Variants in TAF5L observed in about 807,000 individuals in gnomAD.
TAF5L encodes the protein TATA-box binding protein associated factor 5 like, also known as TAF5-like RNA polymerase II p300/CBP-associated factor-associated factor 65 kDa subunit 5L.
A neutral mutation model predicts 51.3 loss-of-function variants in TAF5L; 7 were observed. The observed-to-expected ratio is 0.14, with a 90% CI of 0.08 to 0.26. The LOEUF (loss-of-function observed/expected upper bound fraction) is 0.26, where lower values mean the gene tolerates loss of function less well. Ranked by LOEUF, TAF5L falls within the 10% of genes least tolerant of loss-of-function variation. The pLI is 1.00. For synonymous variants in TAF5L, 291 were observed against 308.1 expected (o/e 0.94, Z 0.58); for missense variants, 575 against 758.9 (o/e 0.76, Z 2.85).
chr1:229,622,509 C>G (rs2064891), intron 1 of TAF5L, among the ~76,000 whole-genome samples: 2 of 152,010 alleles, frequency 1.3e-5, no homozygotes, highest in South Asian at 4.1e-4. Flanking sequence ...GAATAAAATG[C>G]CCAACTCTAC....
At chr1:229,613,329 C>CAAAA (rs567436350) in intron 2 of TAF5L, among the ~76,000 whole-genome samples, 10 of 84,530 alleles carry the variant, frequency 1.2e-4, no homozygotes, top group East Asian at 2.9e-4. Context: ...GACTCTGTCT[C>CAAAA]AAAAAAAAAA....
At chr1:229,623,032 T>G (rs923675961) in intron 1 of TAF5L, among the ~76,000 whole-genome samples, 3 of 152,186 alleles carry the variant, frequency 2.0e-5, no homozygotes, top group African/African-American at 7.2e-5. Context: ...ATCTCAGCAC[T>G]TTGGGAGGCT....
At chr1:229,599,892 A>G in intron 4 of TAF5L, 1 of 985,488 alleles carries the variant, frequency 1.0e-6, no homozygotes, top group Non-Finnish European at 1.2e-6. Context: ...AAAAGATGAA[A>G]GCAGAGAGTG....
At chr1:229,614,641 A>G (rs1056216270) in intron 1 of TAF5L, among the ~76,000 whole-genome samples, 156 bp from the exon 2 acceptor site, 2 of 152,202 alleles carry the variant, frequency 1.3e-5, no homozygotes, top group Non-Finnish European at 2.9e-5. Flanking sequence ...GTTCCCTAAT[A>G]CCAACGTGGT....
At chr1:229,623,500 T>C (rs2102769433) in intron 1 of TAF5L, among the ~76,000 whole-genome samples, 1 of 152,308 alleles carries the variant, frequency 6.6e-6, no homozygotes, top group East Asian at 1.9e-4. Context: ...CACTACAACC[T>C]GGTTTGGCTA....
intron 4 of TAF5L, chr1:229,601,006 A>C: frequency 1.0e-6 from 1 of 984,434 alleles, no homozygotes; most frequent in South Asian, 4.7e-5. Flanking sequence ...ACTGTCTCCA[A>C]GGAAAAGAGA....
chr1:229,611,336 G>A (rs191788864), intron 2 of TAF5L, among the ~76,000 whole-genome samples: 47 of 152,180 alleles, frequency 3.1e-4, no homozygotes, highest in Admixed American at 2.2e-3. Context: ...GGGGAACACC[G>A]GGGAAAGAAG....
At chr1:229,607,509 T>A (rs1288839835) in intron 3 of TAF5L, 1 of 981,598 alleles carries the variant, frequency 1.0e-6, no homozygotes, top group East Asian at 1.1e-4. Context: ...CTCTTCCTCC[T>A]CCTCTTCCAG....
At chr1:229,601,348 G>A in intron 4 of TAF5L, 2 of 985,312 alleles carry the variant, frequency 2.0e-6, no homozygotes, top group Non-Finnish European at 2.4e-6. Context: ...AGTAATGTGA[G>A]GCAGAGCTAC....
intron 1 of TAF5L, among the ~76,000 whole-genome samples, chr1:229,623,798 G>A (rs1012467136): frequency 4.6e-5 from 7 of 152,220 alleles, no homozygotes; most frequent in Non-Finnish European, 8.8e-5. Flanking sequence ...GAGGCGCAAA[G>A]AAGTTACACA....
At chr1:229,597,601 C>T (rs998387071) in intron 4 of TAF5L, among the ~76,000 whole-genome samples, 8 of 152,214 alleles carry the variant, frequency 5.3e-5, no homozygotes, top group African/African-American at 1.7e-4. Flanking sequence ...CATGGGTTTT[C>T]ACTTCTCTCT....
chr1:229,611,284 A>G (rs1363136872), intron 2 of TAF5L, among the ~76,000 whole-genome samples: 2 of 152,176 alleles, frequency 1.3e-5, no homozygotes, highest in Non-Finnish European at 2.9e-5. Context: ...CTTTCTAAAA[A>G]CAAAAAACAA....
At chr1:229,622,003 C>G (rs902023253) in intron 1 of TAF5L, among the ~76,000 whole-genome samples, 2 of 151,562 alleles carry the variant, frequency 1.3e-5, no homozygotes, top group Non-Finnish European at 2.9e-5. Flanking sequence ...AGCAGAACTT[C>G]TTTTCATTCA....
intron 4 of TAF5L, among the ~76,000 whole-genome samples, chr1:229,598,571 C>A (rs1391107566): frequency 3.3e-5 from 5 of 151,996 alleles, no homozygotes; most frequent in African/African-American, 1.2e-4. Context: ...TAGCTGCATA[C>A]ACACAGCTGA....
chr1:229,600,644 TCTC>T, intron 4 of TAF5L: 1 of 985,374 alleles, frequency 1.0e-6, no homozygotes, highest in African/African-American at 1.7e-5. Flanking sequence ...TCTTGGCCCC[TCTC>T]CTAACTCCAG....
At chr1:229,610,153 G>C in exon 3 of TAF5L, 1 of 1,614,116 alleles carries the variant, frequency 6.2e-7, no homozygotes, top group Non-Finnish European at 8.5e-7. Flanking sequence ...ATATTGCTGG[G>C]GTTCTGCCTG....
At chr1:229,616,373 TA>T (rs1310368840) in intron 1 of TAF5L, among the ~76,000 whole-genome samples, 4 of 111,302 alleles carry the variant, frequency 3.6e-5, no homozygotes, top group Non-Finnish European at 6.3e-5. Flanking sequence ...TATTTATTTA[TA>T]TTTTTTTTTT....
rs140070133 is a variant in TAF5L, at chr1:229,616,550, G to A, written c.-3-2065C>T. 1.6e-3 allele frequency among the ~76,000 whole-genome samples: 238 copies of A among 151,934 alleles called. 8 individuals carry two copies. In the East Asian group the frequency reaches 0.042, roughly 27 times the overall value. On this transcript the variant is annotated intron_variant, in intron 1 of 4. Transcript: ENST00000258281. ...AAAAAATTATTTGTATCTAATTTTC[G>A]TCCATCTGCAGTTTCTTTTAGTGTA...
chr1:229,623,353 G>C (rs1489904641), intron 1 of TAF5L, among the ~76,000 whole-genome samples: 1 of 152,240 alleles, frequency 6.6e-6, no homozygotes, highest in Non-Finnish European at 1.5e-5. Context: ...AGTGTCTACT[G>C]TGTCATTTCC....
Sources: gnomAD v4.1 joint callset for allele counts (sites outside exome capture counted in the v4.1 genomes callset) on GRCh38, gnomAD v4.1.1 for gene constraint, MANE v1.5 for transcripts, NCBI Gene and HGNC (gene_info 2026-07-23, HGNC 2026-07-21) for gene names.